CCDC190: variants seen among roughly 807,000 people sequenced by gnomAD.
CCDC190 encodes coiled-coil domain-containing protein 190.
CCDC190 carries 10 observed loss-of-function variants against 13.1 expected under a neutral mutation model. That is an observed-to-expected ratio of 0.77 (90% CI 0.47 to 1.30). The LOEUF (loss-of-function observed/expected upper bound fraction) is 1.30, where lower values mean the gene tolerates loss of function less well. CCDC190 is among the 50% of genes most tolerant of loss of function. The pLI, the probability that CCDC190 is intolerant of heterozygous loss-of-function variation, is 0.00. For synonymous variants in CCDC190, 136 were observed against 127.2 expected, an observed-to-expected ratio of 1.07 and a Z score of -0.47; for missense variants, 375 against 354.3, an observed-to-expected ratio of 1.06 and a Z score of -0.47.
At chr1:162,867,122 T>G (rs1650735357) in intron 1 of CCDC190, among the ~76,000 whole-genome samples, 1 of 151,878 alleles carries the variant, frequency 6.6e-6, no homozygotes, top group Admixed American at 6.6e-5. Flanking sequence ...ATTAAAACCT[T>G]CTGTTCTTAA....
upstream of CCDC190, among the ~76,000 whole-genome samples, chr1:162,865,252 T>A (rs1463320510): frequency 6.6e-6 from 1 of 152,040 alleles, no homozygotes; most frequent in African/African-American, 2.4e-5. Flanking sequence ...CAAAAACGAA[T>A]AGAATTACAT....
rs1028538308 is a variant in CCDC190 at position 162,854,153 on chromosome 1, G to A, written c.*612C>T. ...AATCCTTTGATTCTAGAAGATATGA[G>A]AGGGAAAAGATTGTCCATTATTCTT... On this transcript the variant is annotated 3_prime_UTR_variant, in exon 4 of 4. Transcript: ENST00000367912. The A allele has an allele frequency of 6.9e-6, 6 of 873,384 alleles. No homozygotes were observed. Among genetic ancestry groups the A allele is most frequent in the Non-Finnish European group, 8.2e-6 (6 of 727,948 alleles). The allele number at this position is 873,384 out of a possible 1,614,324, so 54.1% of individuals were successfully genotyped here.
chr1:162,863,181 C>A (rs2684868), upstream of CCDC190, among the ~76,000 whole-genome samples: 1 of 152,006 alleles, frequency 6.6e-6, no homozygotes, highest in East Asian at 1.9e-4. Flanking sequence ...AATGCACATC[C>A]GTGTAGTTTT....
At chr1:162,866,861 C>A (rs1650726268) in intron 1 of CCDC190, among the ~76,000 whole-genome samples, 1 of 151,896 alleles carries the variant, frequency 6.6e-6, no homozygotes, top group Non-Finnish European at 1.5e-5. Flanking sequence ...ATTCTTTTTA[C>A]AAGTAGTATT....
intron 1 of CCDC190, among the ~76,000 whole-genome samples, chr1:162,866,463 G>A (rs1269606371): frequency 4.3e-5 from 5 of 115,330 alleles, no homozygotes; most frequent in Non-Finnish European, 5.9e-5. Context: ...CTAAATAAAT[G>A]AGGAGATATA....
intron 1 of CCDC190, among the ~76,000 whole-genome samples, chr1:162,866,237 G>C (rs1326034860): frequency 6.6e-6 from 1 of 152,052 alleles, no homozygotes; most frequent in Non-Finnish European, 1.5e-5. Context: ...GAGGCAAGTG[G>C]ATCACCTGAG....
rs1650187239 is a variant in CCDC190, at chr1:162,853,719, AT to A, written c.*1045del. Among the ~76,000 whole-genome samples the A allele has an allele frequency of 1.3e-5, 2 of 152,200 alleles. No homozygotes were observed. The highest frequency in any genetic ancestry group is 4.8e-5 in the African/African-American group (2 of 41,448). On this transcript the variant is annotated 3_prime_UTR_variant, in exon 4 of 4. Coordinates refer to ENST00000367912, the MANE Select transcript of CCDC190 (RefSeq NM_001394065.1). ...AGGCCCTCAAGTTTATTCTTCTGGA[AT>A]TAAAGTTTGTTATTGGGCTGAAGAT... is the stretch of plus-strand genomic sequence containing the variant.
chr1:162,859,977 A>G (rs1334697088), intron 1 of CCDC190, among the ~76,000 whole-genome samples: 1 of 151,884 alleles, frequency 6.6e-6, no homozygotes, highest in Non-Finnish European at 1.5e-5. Context: ...AAAAAAAAAA[A>G]GGCAGTCTAC....
rs966342876 is a variant in CCDC190, at chr1:162,854,566, A to G, written c.*199T>C. The G allele has an allele frequency of 7.4e-6, 10 of 1,360,214 alleles. No individual in the cohort carries two copies. The highest frequency in any genetic ancestry group is 7.6e-6 in the Non-Finnish European group (8 of 1,059,166). 84.3% of individuals were successfully genotyped at this position (1,360,214 alleles called of 1,614,324 possible). A position where few individuals can be genotyped will look rare whatever the true frequency, so the allele number is the denominator to read the frequency against. On this transcript the variant is annotated 3_prime_UTR_variant, in exon 4 of 4. Coordinates refer to ENST00000367912, the MANE Select transcript of CCDC190 (RefSeq NM_001394065.1). ...CACTTAAAATATTTTCAGAAGATTCATTCTTCCTCTCCTTTTTCATATATT... is the reference window on the plus strand; with the variant it reads ...CACTTAAAATATTTTCAGAAGATTCGTTCTTCCTCTCCTTTTTCATATATT...
chr1:162,863,447 A>T (rs2805060), upstream of CCDC190, among the ~76,000 whole-genome samples: 6,523 of 152,200 alleles, frequency 0.043, 348 homozygotes, highest in African/African-American at 0.13. Context: ...AGCAATAGGA[A>T]CTAGATTTAC....
At position 162,852,903 on chromosome 1, in the gene CCDC190, G is replaced by A; in HGVS notation, c.*1862C>T. ...GATGACGATAGGCAAGGCTTGCGTAGAAGACAAGAAGAAAGAACTTTTAGG... is the reference window on the plus strand; with the variant it reads ...GATGACGATAGGCAAGGCTTGCGTAAAAGACAAGAAGAAAGAACTTTTAGG... On this transcript the variant is annotated 3_prime_UTR_variant, in exon 4 of 4. Transcript: ENST00000367912. The A allele has an allele frequency of 3.5e-6, 2 of 564,100 alleles. No individual in the cohort carries two copies. The highest frequency in any genetic ancestry group is 6.4e-6 in the Non-Finnish European group (2 of 313,882). 34.9% of individuals were successfully genotyped at this position (564,100 alleles called of 1,614,324 possible).
rs1415720708 is a variant in CCDC190 at position 162,855,034 on chromosome 1, C to T, written c.637G>A (p.Val213Ile). ...GTGTTCCCATCTGGCTTTAGAGCAACATCTTTTGATCTGGTCTCATCAGCA... is the reference window on the plus strand; with the variant it reads ...GTGTTCCCATCTGGCTTTAGAGCAATATCTTTTGATCTGGTCTCATCAGCA... ...ACADETRSKDVALKPDGNTGK... is the reference protein window; with the variant it reads ...ACADETRSKDIALKPDGNTGK... The change falls in exon 4 of 4, where the codon GTT becomes ATT. Residue 213 changes from valine to isoleucine, a missense_variant. Val to Ile is a conservative substitution (Grantham distance 29, BLOSUM62 3). Coordinates refer to ENST00000367912, the MANE Select transcript of CCDC190 (RefSeq NM_001394065.1). 2 of 1,613,932 alleles carry T rather than the reference C, an allele frequency of 1.2e-6. No individual in the cohort carries two copies. The highest frequency in any genetic ancestry group is 1.7e-6 in the Non-Finnish European group (2 of 1,179,906).
chr1:162,864,469 A>G (rs1339446394), upstream of CCDC190, among the ~76,000 whole-genome samples: 2 of 152,212 alleles, frequency 1.3e-5, no homozygotes, highest in Admixed American at 1.3e-4. Context: ...TACATGAGGA[A>G]GTATAAAGAC....
chr1:162,855,615 A>G lies in CCDC190; in HGVS notation c.311+17T>C. ...GACTTAATGTCATACCCATGGGTTT[A>G]GTAATCCATTTCTTACCTCATTTTC... On this transcript the variant is annotated intron_variant, in intron 3 of 3. Transcript: ENST00000367912. 1 of 1,612,498 alleles carries G rather than the reference A, an allele frequency of 6.2e-7. No individual in the cohort carries two copies. Among genetic ancestry groups the G allele is most frequent in the Non-Finnish European group, 8.5e-7 (1 of 1,179,352 alleles).
intron 1 of CCDC190, among the ~76,000 whole-genome samples, chr1:162,859,903 A>G (rs1650440930): frequency 6.6e-6 from 1 of 151,934 alleles, no homozygotes; most frequent in Non-Finnish European, 1.5e-5. Context: ...GGCTCCCCCA[A>G]CACAGATCCC....
At chr1:162,858,124 C>T (rs994246521) in intron 2 of CCDC190, among the ~76,000 whole-genome samples, 5 of 152,296 alleles carry the variant, frequency 3.3e-5, no homozygotes, top group South Asian at 2.1e-4. Flanking sequence ...TTGCTTCCTT[C>T]CTGTATCCCT....
chr1:162,867,797 TTACAGA>T (rs1364941348), intron 1 of CCDC190, among the ~76,000 whole-genome samples: 16 of 152,168 alleles, frequency 1.1e-4, no homozygotes, highest in Non-Finnish European at 5.9e-5. Flanking sequence ...TGAATGAATC[TTACAGA>T]TAACATGCTG....
chr1:162,856,693 G>A (rs1416069628), intron 2 of CCDC190, among the ~76,000 whole-genome samples: 3 of 152,126 alleles, frequency 2.0e-5, no homozygotes, highest in Non-Finnish European at 4.4e-5. Context: ...TCTACAGTTC[G>A]GTTAGTAGGC....
rs1650185304 is a variant in CCDC190 at position 162,853,665 on chromosome 1, A to G, written c.*1100T>C. On this transcript the variant is annotated 3_prime_UTR_variant, in exon 4 of 4. Transcript: ENST00000367912. Reference sequence around the variant, plus strand: ...TCATCAAAATATCCCAGGCTGGGTTACATCAACTATTGATGCCAGAGATGA... The same window carrying G: ...TCATCAAAATATCCCAGGCTGGGTTGCATCAACTATTGATGCCAGAGATGA... 6.6e-6 allele frequency among the ~76,000 whole-genome samples: 1 copy of G among 152,186 alleles called. No homozygotes were observed. Among genetic ancestry groups the G allele is most frequent in the Admixed American group, 6.5e-5 (1 of 15,270 alleles).
Sources: allele counts gnomAD v4.1 joint callset (sites outside exome capture counted in the v4.1 genomes callset), GRCh38; gene constraint gnomAD v4.1.1; transcripts MANE v1.5; gene names NCBI Gene and HGNC (gene_info 2026-07-23, HGNC 2026-07-21).